The following CDH12 variants were observed in gnomAD, a reference collection of about 807,000 sequenced individuals.
The protein encoded by CDH12 is cadherin 12.
A neutral mutation model predicts 74.1 loss-of-function variants in CDH12; 41 were observed. The ratio of observed to expected loss-of-function variants is 0.55; its 90% CI spans 0.43 to 0.72. The LOEUF (loss-of-function observed/expected upper bound fraction) is 0.72. Ranked by LOEUF, CDH12 falls within the 30% of genes least tolerant of loss-of-function variation. The pLI is 0.00. For synonymous variants in CDH12, 399 were observed against 355.0 expected (o/e 1.12, Z -1.39); for missense variants, 945 against 977.2 (o/e 0.97, Z 0.44).
chr5:21,890,976 A>G (rs1418569248), intron 6 of CDH12, among the ~76,000 whole-genome samples: 3 of 152,094 alleles, frequency 2.0e-5, no homozygotes, highest in Non-Finnish European at 4.4e-5. Context: ...CAAAGTATAT[A>G]AACCCCATTA....
At chr5:22,418,801 T>G (rs973341894) in intron 2 of CDH12, among the ~76,000 whole-genome samples, 2 of 152,100 alleles carry the variant, frequency 1.3e-5, no homozygotes, top group African/African-American at 4.8e-5. Flanking sequence ...GGAGAATTGC[T>G]TGAACCTGGG....
At chr5:21,772,564 G>A (rs114651422) in intron 11 of CDH12, among the ~76,000 whole-genome samples, 2 of 152,072 alleles carry the variant, frequency 1.3e-5, no homozygotes, top group African/African-American at 2.4e-5. Context: ...GTGAGCCACC[G>A]TGCCTGGCCC....
intron 5 of CDH12, among the ~76,000 whole-genome samples, chr5:22,007,490 AAC>A (rs1183506763): frequency 6.6e-6 from 1 of 152,148 alleles, no homozygotes; most frequent in Non-Finnish European, 1.5e-5. Context: ...GATGATGACA[AAC>A]ACAGACCAGG....
chr5:22,046,426 A>ATTTTTTT (rs1739955012), intron 5 of CDH12, among the ~76,000 whole-genome samples: 20 of 127,438 alleles, frequency 1.6e-4, no homozygotes, highest in African/African-American at 7.6e-4. Flanking sequence ...TGGTCATTTA[A>ATTTTTTT]TTTCTTTTTT....
At chr5:21,810,955 A>C (rs571771355) in intron 9 of CDH12, among the ~76,000 whole-genome samples, 1 of 152,250 alleles carries the variant, frequency 6.6e-6, no homozygotes, top group African/African-American at 2.4e-5. Flanking sequence ...AAAAAGAAAA[A>C]GAGTTTTACT....
chr5:22,318,866 T>C (rs1216261386), intron 3 of CDH12, among the ~76,000 whole-genome samples: 1 of 152,202 alleles, frequency 6.6e-6, no homozygotes, highest in Non-Finnish European at 1.5e-5. Flanking sequence ...CATTAAAATA[T>C]GCCTGTCTGG....
chr5:22,089,921 A>G (rs1743312825), intron 4 of CDH12, among the ~76,000 whole-genome samples: 1 of 152,100 alleles, frequency 6.6e-6, no homozygotes, highest in South Asian at 2.1e-4. Flanking sequence ...AGTGAGCATA[A>G]GGAGATTTAT....
chr5:22,219,115 G>A (rs1751923891), intron 3 of CDH12, among the ~76,000 whole-genome samples: 1 of 151,538 alleles, frequency 6.6e-6, no homozygotes, highest in African/African-American at 2.4e-5. Context: ...TTGTCCATTT[G>A]TTCTTAGCTT....
rs144722935 is a variant in CDH12 at position 22,599,766 on chromosome 5, T to A, written c.-522-94402A>T. On this transcript the variant is annotated intron_variant, in intron 1 of 14. Transcript: ENST00000382254. Reference sequence around the variant, plus strand: ...TAAATATACTTATTTATGTATCAAATTGAAAGATGTGTATAATTTCCTTAT... The same window carrying A: ...TAAATATACTTATTTATGTATCAAAATGAAAGATGTGTATAATTTCCTTAT... 3.4e-3 allele frequency among the ~76,000 whole-genome samples: 525 copies of A among 152,286 alleles called. 1 individual carries two copies. The highest frequency in any genetic ancestry group is 9.6e-3 in the African/African-American group (400 of 41,548).
chr5:22,121,369 TAC>T (rs1296761640), intron 4 of CDH12, among the ~76,000 whole-genome samples: 2 of 152,192 alleles, frequency 1.3e-5, no homozygotes, highest in African/African-American at 4.8e-5. Context: ...CCTTAGCTGT[TAC>T]ACAAAGCTAC....
intron 3 of CDH12, among the ~76,000 whole-genome samples, chr5:22,380,435 C>A (rs1345038255): frequency 6.6e-6 from 1 of 151,988 alleles, no homozygotes; most frequent in Non-Finnish European, 1.5e-5. Flanking sequence ...CCTTTTTTAA[C>A]ATATGTGTAA....
chr5:21,983,553 C>T (rs1326487618), intron 5 of CDH12, among the ~76,000 whole-genome samples: 1 of 151,980 alleles, frequency 6.6e-6, no homozygotes, highest in African/African-American at 2.4e-5. Flanking sequence ...TTTATGTTTC[C>T]TATTTGAGAT....
chr5:22,651,391 G>A (rs1739727747), intron 1 of CDH12, among the ~76,000 whole-genome samples: 1 of 152,092 alleles, frequency 6.6e-6, no homozygotes, highest in South Asian at 2.1e-4. Flanking sequence ...CAGCATGGCT[G>A]GGGAGGCCTC....
intron 1 of CDH12, among the ~76,000 whole-genome samples, chr5:22,716,502 T>C (rs1743584964): frequency 6.6e-6 from 1 of 152,112 alleles, no homozygotes; most frequent in African/African-American, 2.4e-5. Flanking sequence ...ACACATACAG[T>C]TATGTATAAT....
At chr5:22,511,550 C>T (rs1413624840) in intron 1 of CDH12, among the ~76,000 whole-genome samples, 1 of 151,964 alleles carries the variant, frequency 6.6e-6, no homozygotes, top group Non-Finnish European at 1.5e-5. Context: ...AATTAGTTGG[C>T]AAAAAAGATA....
chr5:22,627,032 A>G (rs1738334212), intron 1 of CDH12, among the ~76,000 whole-genome samples: 3 of 152,186 alleles, frequency 2.0e-5, no homozygotes, highest in Admixed American at 2.0e-4. Flanking sequence ...GTCCAAATTA[A>G]CTCAGTCAAA....
intron 6 of CDH12, among the ~76,000 whole-genome samples, chr5:21,877,530 AAT>A (rs1367516850): frequency 6.6e-6 from 1 of 152,194 alleles, no homozygotes; most frequent in Non-Finnish European, 1.5e-5. Context: ...TGGCTAAGAA[AAT>A]ACTTTTGATC....
At chr5:21,918,924 C>A (rs932905629) in intron 6 of CDH12, among the ~76,000 whole-genome samples, 1 of 151,970 alleles carries the variant, frequency 6.6e-6, no homozygotes, top group African/African-American at 2.4e-5. Context: ...ATTCTATATA[C>A]TTTTCAGTTT....
intron 6 of CDH12, among the ~76,000 whole-genome samples, chr5:21,879,776 G>GA (rs1045904712): frequency 6.6e-6 from 1 of 152,134 alleles, no homozygotes; most frequent in African/African-American, 2.4e-5. Flanking sequence ...GATTACCCAT[G>GA]AATTTATTTT....
Sources: allele counts gnomAD v4.1 joint callset (sites outside exome capture counted in the v4.1 genomes callset), GRCh38; gene constraint gnomAD v4.1.1; transcripts MANE v1.5; gene names NCBI Gene and HGNC (gene_info 2026-07-23, HGNC 2026-07-21).